Variants in FCER1A observed in about 807,000 individuals in gnomAD.
FCER1A encodes the protein high affinity immunoglobulin epsilon receptor subunit alpha.
FCER1A carries 24 observed loss-of-function variants against 23.6 expected under a neutral mutation model. The ratio of observed to expected loss-of-function variants is 1.02; its 90% confidence interval spans 0.74 to 1.43. The LOEUF is 1.43. FCER1A is among the 40% of genes most tolerant of loss of function. The probability of loss-of-function intolerance (pLI) is 0.00; values close to 1 mark genes in which losing one functional copy is unlikely to be tolerated. For missense variants in FCER1A, 318 were observed against 294.5 expected, an observed-to-expected ratio of 1.08 and a Z score of -0.58; for synonymous variants, 121 against 108.8, an observed-to-expected ratio of 1.11 and a Z score of -0.70.
At chr1:159,305,554 G>GT (rs968056602) in intron 3 of FCER1A, among the ~76,000 whole-genome samples, 5 of 151,732 alleles carry the variant, frequency 3.3e-5, no homozygotes, top group East Asian at 3.9e-4. Context: ...TTTTGAAGAA[G>GT]TTTTTTTTTG....
At chr1:159,292,404 C>A (rs894380404) in intron 1 of FCER1A, among the ~76,000 whole-genome samples, 2 of 152,106 alleles carry the variant, frequency 1.3e-5, no homozygotes, top group Non-Finnish European at 2.9e-5. Flanking sequence ...TTACTGTCTA[C>A]CCAGTTATTA....
upstream of FCER1A, among the ~76,000 whole-genome samples, chr1:159,285,023 G>A (rs1278546711): frequency 6.6e-6 from 1 of 152,112 alleles, no homozygotes; most frequent in Non-Finnish European, 1.5e-5. Context: ...GTCTAGACTA[G>A]GGTTTCTCAA....
At chr1:159,289,129 T>G (rs949266901), upstream of FCER1A, among the ~76,000 whole-genome samples, 1 of 152,182 alleles carries the variant, frequency 6.6e-6, no homozygotes, top group African/African-American at 2.4e-5. Flanking sequence ...TCCAACTCCT[T>G]TCTTTCTTTG....
chr1:159,306,503 G>A (rs1345164963), intron 4 of FCER1A, among the ~76,000 whole-genome samples: 1 of 152,184 alleles, frequency 6.6e-6, no homozygotes, highest in African/African-American at 2.4e-5. Flanking sequence ...TTTGTGAAAT[G>A]ACTTTGTAAA....
upstream of FCER1A, among the ~76,000 whole-genome samples, chr1:159,286,527 T>G (rs137897273): frequency 7.1e-3 from 1,081 of 152,126 alleles, 18 homozygotes; most frequent in African/African-American, 0.024. Flanking sequence ...AGGGACAGGG[T>G]TTCACCATGT....
At chr1:159,297,804 A>C (rs6685532), upstream of FCER1A, among the ~76,000 whole-genome samples, 24,965 of 151,594 alleles carry the variant, frequency 0.16, 2,944 homozygotes, top group East Asian at 0.54. Flanking sequence ...TCTTGGGAGG[A>C]TGAGGTGGGA....
rs760258677 is a variant in FCER1A, at chr1:159,306,108, CT to C, written c.453del (p.Leu152SerfsTer43). The C allele has an allele frequency of 6.2e-7, 1 of 1,614,130 alleles. No individual in the cohort carries two copies. Among genetic ancestry groups the C allele is most frequent in the Non-Finnish European group, 8.5e-7 (1 of 1,180,002 alleles). The part of the protein sequence containing the change: ...YKVIYYKDGE[A>X]LKYWYENHNI... ...GTGATCTATTATAAGGATGGTGAAG[CT>C]CTCAAGTACTGGTATGAGAACCACA... On this transcript the variant is annotated frameshift_variant, in exon 4 of 5. Coordinates refer to ENST00000693622, the MANE Select transcript of FCER1A (RefSeq NM_001387280.1). LOFTEE classifies it high-confidence loss of function.
chr1:159,302,302 TAAGCC>T, upstream of FCER1A: 2 of 1,175,070 alleles, frequency 1.7e-6, no homozygotes, highest in South Asian at 2.5e-5. Context: ...TTTTTGGTTT[TAAGCC>T]TATATTTGAA....
At chr1:159,284,868 A>G (rs1651978702), upstream of FCER1A, among the ~76,000 whole-genome samples, 1 of 152,208 alleles carries the variant, frequency 6.6e-6, no homozygotes, top group Non-Finnish European at 1.5e-5. Context: ...ATATCAATAA[A>G]CATTTTCCTA....
rs768920816 is a variant in FCER1A at position 159,302,442 on chromosome 1, C to G, written c.55+23C>G. 8 of 1,549,676 alleles carry G rather than the reference C, an allele frequency of 5.2e-6. No homozygotes were observed. The African/African-American group carries it at 9.5e-5, about 18-fold the overall frequency. On this transcript the variant is annotated intron_variant, in intron 1 of 4. Transcript: ENST00000693622. ...TCGGTAAGTAGAGATTCAATTACCC[C>G]TCCCAGGGAGGCCCAAATGAATTTG...
At chr1:159,301,968 A>G (rs746962071), upstream of FCER1A, among the ~76,000 whole-genome samples, 1 of 152,202 alleles carries the variant, frequency 6.6e-6, no homozygotes, top group Non-Finnish European at 1.5e-5. Flanking sequence ...ATTTAGGATA[A>G]CACCTGGCAT....
In FCER1A at chr1:159,306,214, G is replaced by C; in HGVS notation, c.558G>C (p.Glu186Asp). 1 of 1,614,110 alleles carries C rather than the reference G, an allele frequency of 6.2e-7. No homozygotes were observed. Among genetic ancestry groups the C allele is most frequent in the African/African-American group, 1.3e-5 (1 of 75,044 alleles). ...GCAAAGTGTGGCAGCTGGACTATGA[G>C]TCTGAGCCCCTCAACATTACTGTAA... ...CTGKVWQLDYESEPLNITVIK... is the reference protein window; with the variant it reads ...CTGKVWQLDYDSEPLNITVIK... Residue 186 changes from glutamate (E) to aspartate (D), a missense_variant, in exon 4 of 5, where the codon GAG becomes GAC. By Grantham distance (45) the Glu-to-Asp change is conservative. Transcript: ENST00000693622.
chr1:159,289,449 T>TAC (rs1652093681), upstream of FCER1A, among the ~76,000 whole-genome samples: 1 of 152,214 alleles, frequency 6.6e-6, no homozygotes, highest in African/African-American at 2.4e-5. Context: ...TTCCATTTCA[T>TAC]ACACACAACT....
chr1:159,307,623 G>T, intron 4 of FCER1A, 125 bp from the exon 5 acceptor site: 1 of 657,090 alleles, frequency 1.5e-6, no homozygotes. Flanking sequence ...GCTTCTGGAT[G>T]CCACATCACG....
At chr1:159,299,083 C>A (rs1040845171), upstream of FCER1A, among the ~76,000 whole-genome samples, 4 of 152,186 alleles carry the variant, frequency 2.6e-5, no homozygotes, top group Non-Finnish European at 5.9e-5. Flanking sequence ...AGTTACTTAA[C>A]CTCTCATGCT....
At chr1:159,298,694 C>T (rs571571731), upstream of FCER1A, among the ~76,000 whole-genome samples, 167 of 152,284 alleles carry the variant, frequency 1.1e-3, 1 homozygote, top group Middle Eastern at 6.8e-3. Context: ...AGGAAAGAAT[C>T]CCTCTCTCCT....
chr1:159,306,936 T>C (rs1288861067), intron 4 of FCER1A, among the ~76,000 whole-genome samples: 3 of 152,230 alleles, frequency 2.0e-5, no homozygotes, highest in African/African-American at 7.2e-5. Flanking sequence ...AATTAAGTCC[T>C]AGCAGTTCTC....
At chr1:159,287,078 C>T (rs1420684107), upstream of FCER1A, among the ~76,000 whole-genome samples, 2 of 152,156 alleles carry the variant, frequency 1.3e-5, no homozygotes, top group Non-Finnish European at 2.9e-5. Flanking sequence ...CATTTCCCTC[C>T]ATGCTGGCCA....
At chr1:159,288,109 G>A (rs1652061413), upstream of FCER1A, among the ~76,000 whole-genome samples, 2 of 152,156 alleles carry the variant, frequency 1.3e-5, 1 homozygote, top group South Asian at 4.1e-4. Flanking sequence ...CTTCTGGCAT[G>A]CATTTTAATA....
Sources: gnomAD v4.1 joint callset for allele counts (sites outside exome capture counted in the v4.1 genomes callset) on GRCh38, gnomAD v4.1.1 for gene constraint, MANE v1.5 for transcripts, NCBI Gene and HGNC (gene_info 2026-07-23, HGNC 2026-07-21) for gene names.